The following GABRA3 variants were observed in gnomAD, a reference collection of about 807,000 sequenced individuals.
The protein encoded by GABRA3 is gamma-aminobutyric acid type A receptor subunit alpha3.
In GABRA3, 10 loss-of-function variants were observed where a neutral mutation model predicts 30.1. The ratio of observed to expected loss-of-function variants is 0.33; its 90% CI spans 0.20 to 0.56. The LOEUF is 0.56. Ranked by LOEUF, GABRA3 falls within the 20% of genes least tolerant of loss-of-function variation. The pLI, the probability that GABRA3 is intolerant of heterozygous loss-of-function variation, is 0.89. For synonymous variants in GABRA3, 151 were observed against 146.8 expected (o/e 1.03, Z -0.21); for missense variants, 233 against 392.0 (o/e 0.59, Z 3.42).
At chrX:152,251,299 G>A (rs180794330) in intron 5 of GABRA3, 129 of 142,342 alleles carry the variant, frequency 9.1e-4, no homozygotes, top group Non-Finnish European at 3.0e-4. Context: ...TCATTCAACT[G>A]TATTTCAAGG....
intron 8 of GABRA3, among the ~76,000 whole-genome samples, chrX:152,196,160 G>A (rs953036647): frequency 4.7e-5 from 5 of 106,782 alleles, no homozygotes; most frequent in South Asian, 4.2e-4. Context: ...TGAGATGGGC[G>A]GATCATCTAA....
chrX:152,270,259 C>A (rs1034526783), intron 4 of GABRA3, among the ~76,000 whole-genome samples: 2 of 111,088 alleles, frequency 1.8e-5, no homozygotes, highest in African/African-American at 6.6e-5. Context: ...AGGCTTTCCC[C>A]CCCTTTACTT....
chrX:152,210,476 A>T (rs1937620077), intron 6 of GABRA3, among the ~76,000 whole-genome samples: 1 of 111,834 alleles, frequency 8.9e-6, no homozygotes, highest in Non-Finnish European at 1.9e-5. Flanking sequence ...CTTTTCAGGG[A>T]GCAAGGTGAA....
At chrX:152,424,221 A>C (rs1163270650) in intron 1 of GABRA3, among the ~76,000 whole-genome samples, 2 of 110,838 alleles carry the variant, frequency 1.8e-5, no homozygotes, top group African/African-American at 6.6e-5. Context: ...TCAGAAACCG[A>C]CAAGTCATCT....
intron 4 of GABRA3, among the ~76,000 whole-genome samples, chrX:152,259,159 C>T (rs948041204): frequency 1.4e-4 from 16 of 111,659 alleles, no homozygotes; most frequent in South Asian, 3.8e-4. Flanking sequence ...TGATGCCTGC[C>T]GATGGAGGGA....
At chrX:152,442,201 G>A (rs938595084) in intron 1 of GABRA3, among the ~76,000 whole-genome samples, 3 of 110,953 alleles carry the variant, frequency 2.7e-5, no homozygotes, top group African/African-American at 9.8e-5. Context: ...GGAAAGGAAT[G>A]AAACGGGGGC....
intron 1 of GABRA3, among the ~76,000 whole-genome samples, chrX:152,441,398 A>C (rs1930927748): frequency 8.9e-6 from 1 of 112,085 alleles, no homozygotes; most frequent in Non-Finnish European, 1.9e-5. Flanking sequence ...CTCTGTCAAA[A>C]GGATGTCAAT....
intron 8 of GABRA3, among the ~76,000 whole-genome samples, chrX:152,192,864 C>G (rs996665066): frequency 8.9e-6 from 1 of 112,015 alleles, no homozygotes; most frequent in Non-Finnish European, 1.9e-5. Flanking sequence ...CCCAACTCTG[C>G]TACTGTATAA....
At chrX:152,341,627 C>T (rs1940314729) in intron 3 of GABRA3, among the ~76,000 whole-genome samples, 1 of 103,231 alleles carries the variant, frequency 9.7e-6, no homozygotes, top group East Asian at 3.1e-4. Flanking sequence ...ACCATCTCTG[C>T]CTCCCGGATT....
At chrX:152,196,394 G>A (rs1281602721) in intron 8 of GABRA3, among the ~76,000 whole-genome samples, 1 of 78,590 alleles carries the variant, frequency 1.3e-5, no homozygotes, top group Non-Finnish European at 2.3e-5. Flanking sequence ...GTGAAACTCC[G>A]TCTCAAAAAA....
At chrX:152,431,322 C>A (rs1436963482) in intron 1 of GABRA3, among the ~76,000 whole-genome samples, 1 of 111,831 alleles carries the variant, frequency 8.9e-6, no homozygotes, top group Non-Finnish European at 1.9e-5. Flanking sequence ...GAAACAATTT[C>A]AATAAGAAGA....
At chrX:152,436,037 C>T (rs1930769783) in intron 1 of GABRA3, among the ~76,000 whole-genome samples, 1 of 110,836 alleles carries the variant, frequency 9.0e-6, no homozygotes, top group African/African-American at 3.3e-5. Context: ...AACAATAAAA[C>T]GTTATACCAT....
intron 1 of GABRA3, among the ~76,000 whole-genome samples, chrX:152,446,002 T>C (rs905831081): frequency 1.8e-5 from 2 of 112,287 alleles, no homozygotes; most frequent in Non-Finnish European, 3.8e-5. Context: ...TTAAGCTACA[T>C]GACATATAAC....
At chrX:152,422,662 G>A (rs767670937) in intron 1 of GABRA3, among the ~76,000 whole-genome samples, 2 of 111,008 alleles carry the variant, frequency 1.8e-5, no homozygotes, top group Non-Finnish European at 3.8e-5. Context: ...AGATACTAGT[G>A]GTTTCAAGAT....
At chrX:152,257,100 A>C (rs1022342127) in intron 4 of GABRA3, among the ~76,000 whole-genome samples, 5 of 112,008 alleles carry the variant, frequency 4.5e-5, no homozygotes, top group Non-Finnish European at 7.5e-5. Context: ...AATAGGCAGA[A>C]ACAATAAGAT....
intron 5 of GABRA3, among the ~76,000 whole-genome samples, chrX:152,234,684 C>G (rs146510876): frequency 9.0e-5 from 10 of 111,440 alleles, no homozygotes; most frequent in Admixed American, 3.8e-4. Context: ...CCTTCTTCTG[C>G]GTATTGCAAC....
chrX:152,249,344 GAA>G (rs1938513277), intron 5 of GABRA3, among the ~76,000 whole-genome samples: 1 of 111,373 alleles, frequency 9.0e-6, no homozygotes, highest in African/African-American at 3.3e-5. Context: ...TAATTTAGTG[GAA>G]AGAGCAGTAA....
At chrX:152,343,962 T>C (rs1378582959) in intron 3 of GABRA3, among the ~76,000 whole-genome samples, 1 of 111,425 alleles carries the variant, frequency 9.0e-6, no homozygotes, top group African/African-American at 3.3e-5. Context: ...ATACAATACA[T>C]CTGTGTGTGT....
At chrX:152,178,267 CGTGTGTGTGTGTGT>C (rs890631490) in intron 9 of GABRA3, among the ~76,000 whole-genome samples, 1 of 80,268 alleles carries the variant, frequency 1.2e-5, no homozygotes, top group Non-Finnish European at 2.4e-5. Context: ...TGTGTGTGTG[CGTGTGTGTGTGTGT>C]GTGTTTCAAT....
Sources: gnomAD v4.1 joint callset for allele counts (sites outside exome capture counted in the v4.1 genomes callset) on GRCh38, gnomAD v4.1.1 for gene constraint, MANE v1.5 for transcripts, NCBI Gene and HGNC (gene_info 2026-07-23, HGNC 2026-07-21) for gene names.